SERPINA12: variants seen among roughly 807,000 people sequenced by gnomAD.
SERPINA12 encodes the protein serpin family A member 12, also known as serpin A12.
A neutral mutation model predicts 25.9 loss-of-function variants in SERPINA12; 21 were observed. That is an observed-to-expected ratio of 0.81 (90% confidence interval 0.58 to 1.17). The LOEUF is 1.17. Ranked by LOEUF, SERPINA12 falls within the 50% of genes most tolerant of loss-of-function variation. SERPINA12 has a pLI of 0.00. For synonymous variants in SERPINA12, 220 were observed against 196.0 expected (o/e 1.12, Z -1.02); for missense variants, 562 against 508.3 (o/e 1.11, Z -1.02).
At chr14:94,512,133 G>A (rs1901126997), upstream of SERPINA12, among the ~76,000 whole-genome samples, 1 of 151,976 alleles carries the variant, frequency 6.6e-6, no homozygotes, top group Non-Finnish European at 1.5e-5. Flanking sequence ...TCTGTGGAGG[G>A]GTGAGTTCAA....
In SERPINA12 at chr14:94,496,349, G is replaced by T. The variant is rs188825066; in HGVS notation, c.905+24C>A. Reference sequence around the variant, plus strand: ...GGGAAGACAAGAGAAGGAAAAAGCTGCGAGGGCTAGGCACCCACTTTACCT... The same window carrying T: ...GGGAAGACAAGAGAAGGAAAAAGCTTCGAGGGCTAGGCACCCACTTTACCT... On this transcript the variant is annotated intron_variant, in intron 3 of 4. Coordinates refer to ENST00000677451, the MANE Select transcript of SERPINA12 (RefSeq NM_001382267.1). The T allele has an allele frequency of 2.1e-5, 34 of 1,613,574 alleles. No individual in the cohort carries two copies. In the Admixed American group the frequency reaches 4.5e-4, roughly 21 times the overall value.
Position 94,496,469 on chromosome 14 carries a change from G to A in SERPINA12, c.809C>T (p.Ala270Val), listed in dbSNP as rs755211012. Residue 270 changes from alanine (A) to valine (V), a missense_variant, in exon 3 of 5, where the codon GCC (alanine) becomes GTC (valine). Ala to Val is a moderately conservative substitution (Grantham distance 64). Coordinates refer to ENST00000677451, the MANE Select transcript of SERPINA12 (RefSeq NM_001382267.1). Reference protein sequence around the residue: ...LEIPYQKNITAIFILPDEGKL... With the variant: ...LEIPYQKNITVIFILPDEGKL... ...GCCCTCATCAGGAAGGATGAAGATG[G>A]CTGTGATATTTTTCTGGTAGGGTAT... 8 of 1,614,006 alleles carry A rather than the reference G, an allele frequency of 5.0e-6. No homozygotes were observed. The Admixed American group carries it at 5.0e-5, about 10-fold the overall frequency.
chr14:94,502,660 C>T (rs1368902581), intron 1 of SERPINA12, among the ~76,000 whole-genome samples: 1 of 152,190 alleles, frequency 6.6e-6, no homozygotes, highest in African/African-American at 2.4e-5. Flanking sequence ...GACCACCCTA[C>T]CTCTCTTCCC....
intron 2 of SERPINA12, among the ~76,000 whole-genome samples, chr14:94,515,332 G>A (rs1392403041): frequency 6.6e-6 from 1 of 152,160 alleles, no homozygotes; most frequent in Non-Finnish European, 1.5e-5. Flanking sequence ...GCTTCCTGGA[G>A]AAGGTGGCCA....
chr14:94,501,995 A>G lies in SERPINA12; in HGVS notation c.-33-3565T>C, dbSNP rs145280616. ...ATTGATAGGTTGCTCTCCTGAGTTG[A>G]GCAATTGTTTGTTGGCTTTTAGTTT... On this transcript the variant is annotated intron_variant, in intron 1 of 4. Transcript: ENST00000677451. Among the ~76,000 whole-genome samples the G allele has an allele frequency of 1.5e-3, 227 of 150,950 alleles. 1 individual carries two copies. Among genetic ancestry groups the G allele is most frequent in the Non-Finnish European group, 1.5e-3 (104 of 67,832 alleles).
At chr14:94,514,542 G>C (rs1019637247) in intron 2 of SERPINA12, among the ~76,000 whole-genome samples, 1 of 152,194 alleles carries the variant, frequency 6.6e-6, no homozygotes, top group African/African-American at 2.4e-5. Context: ...GTCGGGTGGG[G>C]ACCTGGGTGG....
Position 94,496,632 on chromosome 14 carries a change from G to C in SERPINA12, c.646C>G (p.His216Asp), listed in dbSNP as rs1566808747. The C allele has an allele frequency of 1.9e-6, 3 of 1,613,858 alleles. No homozygotes were observed. The highest frequency in any genetic ancestry group is 2.5e-6 in the Non-Finnish European group (3 of 1,179,866). The part of the protein sequence containing the change: ...NYIFFRARWK[H>D]EFDPNVTKEE... ...TTAGTTACATTTGGATCAAACTCAT[G>C]TTTCCACCTGGCTTAGATTGAAGAA... Residue 216 changes from histidine (H) to aspartate (D), a missense_variant, in exon 3 of 5, where the codon CAT becomes GAT. Coordinates refer to ENST00000677451, the MANE Select transcript of SERPINA12 (RefSeq NM_001382267.1).
chr14:94,501,236 A>G (rs1900708280), intron 1 of SERPINA12: 1 of 854,896 alleles, frequency 1.2e-6, no homozygotes. Context: ...GAGTGGGCGC[A>G]AGTTCCCAGT....
intron 3 of SERPINA12, among the ~76,000 whole-genome samples, chr14:94,494,203 A>G (rs1480490967): frequency 6.6e-6 from 1 of 152,098 alleles, no homozygotes; most frequent in Non-Finnish European, 1.5e-5. Context: ...CCTTCTCTTC[A>G]TGTTCTACAC....
At chr14:94,513,926 G>A (rs1901168098), upstream of SERPINA12, among the ~76,000 whole-genome samples, 1 of 152,158 alleles carries the variant, frequency 6.6e-6, no homozygotes, top group Admixed American at 6.5e-5. Flanking sequence ...CCTGGAGGTT[G>A]CTCCAGTGGC....
upstream of SERPINA12, among the ~76,000 whole-genome samples, chr14:94,513,410 C>T (rs927479361): frequency 6.6e-6 from 1 of 152,120 alleles, no homozygotes; most frequent in Non-Finnish European, 1.5e-5. Flanking sequence ...AGCGGGAGGA[C>T]CTGAGAGCGG....
intron 2 of SERPINA12, 107 bp from the exon 3 acceptor site, chr14:94,496,750 T>C: frequency 2.2e-6 from 2 of 907,750 alleles, no homozygotes; most frequent in Non-Finnish European, 3.4e-6. Flanking sequence ...TGAAAGGGGA[T>C]ATTCCGGGAT....
upstream of SERPINA12, among the ~76,000 whole-genome samples, chr14:94,513,801 G>T (rs999220695): frequency 1.3e-5 from 2 of 152,220 alleles, no homozygotes; most frequent in East Asian, 1.9e-4. Context: ...AACTGCTATT[G>T]TCTTCCAGTG....
upstream of SERPINA12, among the ~76,000 whole-genome samples, chr14:94,514,383 A>G (rs1901180166): frequency 6.6e-6 from 1 of 152,190 alleles, no homozygotes; most frequent in South Asian, 2.1e-4. Context: ...CGTGTGCTGC[A>G]GGCACGTGAC....
upstream of SERPINA12, among the ~76,000 whole-genome samples, chr14:94,512,755 T>C (rs1440472832): frequency 6.6e-6 from 1 of 152,174 alleles, no homozygotes; most frequent in East Asian, 1.9e-4. Flanking sequence ...GGAATTTGGA[T>C]GGGTAGTCAG....
intron 1 of SERPINA12, among the ~76,000 whole-genome samples, chr14:94,504,501 G>T (rs554892123): frequency 6.6e-6 from 1 of 152,356 alleles, no homozygotes; most frequent in South Asian, 2.1e-4. Flanking sequence ...TGCTGCCCAT[G>T]GGAACAGGTT....
chr14:94,514,415 T>C (rs1230465081), upstream of SERPINA12, among the ~76,000 whole-genome samples: 2 of 152,098 alleles, frequency 1.3e-5, no homozygotes, highest in Non-Finnish European at 2.9e-5. Flanking sequence ...CCACAGCTAC[T>C]GGTGGGCACT....
At chr14:94,493,342 C>G (rs1367948508) in intron 3 of SERPINA12, among the ~76,000 whole-genome samples, 2 of 152,210 alleles carry the variant, frequency 1.3e-5, no homozygotes, top group Non-Finnish European at 2.9e-5. Context: ...GGAAGGTGGA[C>G]AATACCCTGT....
At chr14:94,506,697 C>A (rs994378614) in intron 1 of SERPINA12, among the ~76,000 whole-genome samples, 13 of 152,208 alleles carry the variant, frequency 8.5e-5, no homozygotes, top group African/African-American at 3.1e-4. Flanking sequence ...GCATTACAAT[C>A]ATCCAGGAGC....
Sources: allele counts gnomAD v4.1 joint callset (sites outside exome capture counted in the v4.1 genomes callset), GRCh38; gene constraint gnomAD v4.1.1; transcripts MANE v1.5; gene names NCBI Gene and HGNC (gene_info 2026-07-23, HGNC 2026-07-21).